The following UBR3 variants were observed in gnomAD, a reference collection of about 807,000 sequenced individuals.
The protein encoded by UBR3 is E3 ubiquitin-protein ligase UBR3.
UBR3 carries 85 observed loss-of-function variants against 243.2 expected under a neutral mutation model. The ratio of observed to expected loss-of-function variants is 0.35; its 90% CI spans 0.29 to 0.42. The LOEUF (loss-of-function observed/expected upper bound fraction) is 0.42. UBR3 is among the 10% of genes least tolerant of loss of function. The pLI is 1.00. For synonymous variants in UBR3, 748 were observed against 799.8 expected (o/e 0.94, Z 1.09); for missense variants, 1,686 against 2,300.8 (o/e 0.73, Z 5.47).
intron 24 of UBR3, among the ~76,000 whole-genome samples, chr2:169,981,271 T>G (rs1315142076): frequency 6.6e-6 from 1 of 151,812 alleles, no homozygotes; most frequent in African/African-American, 2.4e-5. Flanking sequence ...GGGAAAAGAG[T>G]TATTTTACAG....
At chr2:170,021,304 A>G (rs532741752) in intron 30 of UBR3, among the ~76,000 whole-genome samples, 3 of 152,276 alleles carry the variant, frequency 2.0e-5, no homozygotes, top group Non-Finnish European at 2.9e-5. Flanking sequence ...ACAATATACC[A>G]TAGACTGGGT....
At chr2:169,967,264 C>G (rs1236031651) in intron 24 of UBR3, among the ~76,000 whole-genome samples, 1 of 124,180 alleles carries the variant, frequency 8.1e-6, no homozygotes, top group South Asian at 2.9e-4. Flanking sequence ...ATGCGCCCCC[C>G]GCCCCCCCCC....
intron 24 of UBR3, among the ~76,000 whole-genome samples, chr2:169,977,579 A>G (rs1192863505): frequency 1.3e-5 from 2 of 152,192 alleles, no homozygotes; most frequent in African/African-American, 4.8e-5. Flanking sequence ...AGGAGGAGAA[A>G]AGGTGTTCTG....
At chr2:169,844,440 T>A (rs1037309936) in intron 1 of UBR3, among the ~76,000 whole-genome samples, 1 of 152,076 alleles carries the variant, frequency 6.6e-6, no homozygotes, top group African/African-American at 2.4e-5. Context: ...TTGTTTGTAC[T>A]ATTTCTCCTT....
intron 27 of UBR3, among the ~76,000 whole-genome samples, chr2:170,005,408 G>A (rs970933549): frequency 2.6e-5 from 4 of 152,090 alleles, no homozygotes; most frequent in African/African-American, 9.7e-5. Context: ...AATTGGAGAC[G>A]GCATACATTG....
At chr2:169,969,254 A>G (rs1435462563) in intron 24 of UBR3, among the ~76,000 whole-genome samples, 1 of 152,214 alleles carries the variant, frequency 6.6e-6, no homozygotes, top group Non-Finnish European at 1.5e-5. Flanking sequence ...CGTACACAAA[A>G]AAATCTTTAC....
chr2:169,964,928 T>C, intron 24 of UBR3: 1 of 456,910 alleles, frequency 2.2e-6, no homozygotes, highest in Non-Finnish European at 4.4e-6. Flanking sequence ...AGCTCTACTT[T>C]CTCCCAGTCT....
In UBR3 at chr2:169,976,445, G is replaced by A. The variant is rs76559907; in HGVS notation, c.3635-10200G>A. Among the ~76,000 whole-genome samples, 447 of 152,178 alleles carry A rather than the reference G, an allele frequency of 2.9e-3. 3 individuals carry two copies. Among genetic ancestry groups the A allele is most frequent in the African/African-American group, 0.01 (422 of 41,528 alleles). ...GAGCATTTCTTGTAAGTTTGGTCTA[G>A]TGGTGATGAATTCCCTCAGTTTCTC... On this transcript the variant is annotated intron_variant, in intron 24 of 38. Coordinates refer to ENST00000272793, the MANE Select transcript of UBR3 (RefSeq NM_172070.4).
At chr2:169,939,185 CAA>C (rs1049952373) in intron 19 of UBR3, among the ~76,000 whole-genome samples, 4 of 151,520 alleles carry the variant, frequency 2.6e-5, no homozygotes, top group Non-Finnish European at 4.4e-5. Flanking sequence ...TTCTAAGAAC[CAA>C]GTTTTGATTG....
chr2:170,078,486 G>C (rs956420504), intron 36 of UBR3, among the ~76,000 whole-genome samples: 5 of 152,102 alleles, frequency 3.3e-5, no homozygotes, highest in African/African-American at 1.2e-4. Context: ...TTGTGAAAAA[G>C]GTCACCCATA....
intron 1 of UBR3, among the ~76,000 whole-genome samples, chr2:169,845,527 CG>C (rs1559012338): frequency 3.4e-4 from 45 of 132,998 alleles, no homozygotes; most frequent in African/African-American, 6.1e-4. Flanking sequence ...TCGTCGTCGT[CG>C]TCGTCTTCTT....
Position 170,082,047 on chromosome 2 carries a change from A to G in UBR3, c.*204A>G, listed in dbSNP as rs1020436091. The G allele has an allele frequency of 2.6e-6, 1 of 383,944 alleles. No homozygotes were observed. The highest frequency in any genetic ancestry group is 4.6e-6 in the Non-Finnish European group (1 of 215,612). The allele number at this position is 383,944 out of a possible 1,614,324, so 23.8% of individuals were successfully genotyped here. A position where few individuals can be genotyped will look rare whatever the true frequency, so the allele number is the denominator to read the frequency against. On this transcript the variant is annotated 3_prime_UTR_variant, in exon 39 of 39. Coordinates refer to ENST00000272793, the MANE Select transcript of UBR3 (RefSeq NM_172070.4). ...TTTTTAATATCTGGAGAACATTAAT[A>G]ACAAGTTAAATTATTCTTTAGTGGT...
At chr2:170,053,113 T>C (rs2091258735) in intron 32 of UBR3, among the ~76,000 whole-genome samples, 1 of 152,222 alleles carries the variant, frequency 6.6e-6, no homozygotes, top group Non-Finnish European at 1.5e-5. Context: ...GCCTGACTGC[T>C]GTCCTTTGAA....
At chr2:170,066,512 G>GC (rs76439643) in intron 35 of UBR3, among the ~76,000 whole-genome samples, 104,477 of 151,846 alleles carry the variant, frequency 0.69, 36,712 homozygotes, top group East Asian at 0.88. Flanking sequence ...TGATTATCTA[G>GC]CCCCCCCACC....
At chr2:169,860,135 T>C (rs977206776) in intron 1 of UBR3, among the ~76,000 whole-genome samples, 1 of 152,232 alleles carries the variant, frequency 6.6e-6, no homozygotes, top group Admixed American at 6.5e-5. Context: ...TTTGTTAGTC[T>C]CATTATCTCC....
In UBR3 at chr2:169,947,403, CTT is replaced by C. The variant is rs1426196640; in HGVS notation, c.2911-137_2911-136del. On this transcript the variant is annotated intron_variant, in intron 21 of 38. Transcript: ENST00000272793. Reference sequence around the variant, plus strand: ...TGGTTTTATTATTTAAATTTATTCACTTTATAATTTGTGGATGAGACAATAAG... The same window carrying C: ...TGGTTTTATTATTTAAATTTATTCACTATAATTTGTGGATGAGACAATAAG... 6.4e-6 allele frequency: 4 copies of C among 622,974 alleles called. No individual in the cohort carries two copies. In the African/African-American group the frequency reaches 7.6e-5, roughly 12 times the overall value. The allele number at this position is 622,974 out of a possible 1,614,324, so 38.6% of individuals were successfully genotyped here. A position where few individuals can be genotyped will look rare whatever the true frequency, so the allele number is the denominator to read the frequency against.
At chr2:169,936,220 C>T (rs4668185) in intron 19 of UBR3, among the ~76,000 whole-genome samples, 8,688 of 151,930 alleles carry the variant, frequency 0.057, 462 homozygotes, top group African/African-American at 0.14. Flanking sequence ...CTACCATGCC[C>T]GGCTAATTTT....
Position 169,827,465 on chromosome 2 carries a change from A to C in UBR3, c.-43A>C. 2 of 1,219,332 alleles carry C rather than the reference A, an allele frequency of 1.6e-6. No homozygotes were observed. Among genetic ancestry groups the C allele is most frequent in the Non-Finnish European group, 2.0e-6 (2 of 979,948 alleles). The allele number at this position is 1,219,332 out of a possible 1,614,324, so 75.5% of individuals were successfully genotyped here. On this transcript the variant is annotated 5_prime_UTR_variant, in exon 1 of 39. Coordinates refer to ENST00000272793, the MANE Select transcript of UBR3 (RefSeq NM_172070.4). ...CAGTCTATTCCCTCACTCTCCCTGG[A>C]GGAGCCGCTGGCCCTGGACTCTCCA...
At chr2:169,850,871 G>C (rs1046651851) in intron 1 of UBR3, among the ~76,000 whole-genome samples, 8 of 151,766 alleles carry the variant, frequency 5.3e-5, no homozygotes, top group Admixed American at 1.3e-4. Flanking sequence ...GAATTTTAAA[G>C]GGCTAAGTAG....
Sources: gnomAD v4.1 joint callset for allele counts (sites outside exome capture counted in the v4.1 genomes callset) on GRCh38, gnomAD v4.1.1 for gene constraint, MANE v1.5 for transcripts, NCBI Gene and HGNC (gene_info 2026-07-23, HGNC 2026-07-21) for gene names.